The following DIP2B variants were observed in gnomAD, a reference collection of about 807,000 sequenced individuals.
DIP2B encodes disco-interacting protein 2 homolog B.
A neutral mutation model predicts 198.0 loss-of-function variants in DIP2B; 76 were observed. The ratio of observed to expected loss-of-function variants is 0.38; its 90% confidence interval spans 0.32 to 0.46. DIP2B has a LOEUF of 0.46. Ranked by LOEUF, DIP2B falls within the 20% of genes least tolerant of loss-of-function variation. The pLI is 0.99. For synonymous variants in DIP2B, 701 were observed against 739.1 expected, an observed-to-expected ratio of 0.95 and a Z score of 0.84; for missense variants, 1,559 against 1,978.4, an observed-to-expected ratio of 0.79 and a Z score of 4.02.
chr12:50,726,355 C>T (rs1004620531), intron 28 of DIP2B, among the ~76,000 whole-genome samples: 5 of 152,106 alleles, frequency 3.3e-5, no homozygotes, highest in African/African-American at 1.2e-4. Context: ...TTCTTGGCTA[C>T]CATTCTCTTT....
intron 1 of DIP2B, among the ~76,000 whole-genome samples, chr12:50,540,543 A>G (rs1958314238): frequency 6.7e-6 from 1 of 149,030 alleles, no homozygotes; most frequent in African/African-American, 2.4e-5. Flanking sequence ...TGATTAAAAA[A>G]ATTCTTTTTT....
At chr12:50,554,512 A>G (rs984959206) in intron 1 of DIP2B, among the ~76,000 whole-genome samples, 4 of 152,148 alleles carry the variant, frequency 2.6e-5, no homozygotes, top group African/African-American at 2.4e-5. Flanking sequence ...ATGATCGCTC[A>G]TATCAGGTAT....
intron 1 of DIP2B, among the ~76,000 whole-genome samples, chr12:50,553,154 G>A (rs889706887): frequency 3.3e-5 from 5 of 152,096 alleles, no homozygotes; most frequent in Non-Finnish European, 7.4e-5. Flanking sequence ...TTTTCTATAT[G>A]GTGTCAGATA....
rs558114655 is a variant in DIP2B at position 50,735,456 on chromosome 12, TTTTTTTGTTTTTTG to T, written c.4101+340_4101+353del. 3.8e-5 allele frequency among the ~76,000 whole-genome samples: 3 copies of T among 78,938 alleles called. No homozygotes were observed. In the East Asian group the frequency reaches 6.1e-4, roughly 16 times the overall value. The allele number at this position is 78,938 out of a possible 152,430, so 51.8% of individuals were successfully genotyped here. ...TGTTTTTTTTTCATGGTTTTTTTTGTTTTTTTGTTTTTTGTTTTTTGTTTTTTTTGAGATGGAGT... is the reference window on the plus strand; with the variant it reads ...TGTTTTTTTTTCATGGTTTTTTTTGTTTTTTTGTTTTTTTTGAGATGGAGT... On this transcript the variant is annotated intron_variant, in intron 34 of 37. Coordinates refer to ENST00000301180, the MANE Select transcript of DIP2B (RefSeq NM_173602.3).
chr12:50,580,819 T>C (rs1289134804), intron 1 of DIP2B, among the ~76,000 whole-genome samples: 4 of 148,954 alleles, frequency 2.7e-5, no homozygotes, highest in African/African-American at 9.8e-5. Context: ...ACAGCAATAC[T>C]TTCACACACT....
intron 25 of DIP2B, among the ~76,000 whole-genome samples, chr12:50,720,077 C>T (rs1452132589): frequency 1.3e-5 from 2 of 151,062 alleles, no homozygotes; most frequent in Non-Finnish European, 2.9e-5. Context: ...ATTACAGGTG[C>T]CCACCACCAG....
intron 1 of DIP2B, among the ~76,000 whole-genome samples, chr12:50,621,330 T>C (rs1937807166): frequency 6.6e-6 from 1 of 152,244 alleles, no homozygotes; most frequent in Non-Finnish European, 1.5e-5. Context: ...CAAGCATTGC[T>C]TTTTTGTTCA....
rs185168750 is a variant in DIP2B, at chr12:50,507,608, C to T, written c.100+2368C>T. ...ACACTGTTGCCCGATTTTAGCTTACCGCAACCTCCGCCTCCCAGGGTCAAG... is the reference window on the plus strand; with the variant it reads ...ACACTGTTGCCCGATTTTAGCTTACTGCAACCTCCGCCTCCCAGGGTCAAG... On this transcript the variant is annotated intron_variant, in intron 1 of 37. Transcript: ENST00000301180. Among the ~76,000 whole-genome samples the T allele has an allele frequency of 1.2e-3, 190 of 152,102 alleles. 1 individual carries two copies. The highest frequency in any genetic ancestry group is 3.3e-3 in the South Asian group (16 of 4,814).
chr12:50,576,577 C>G (rs1958663404), intron 1 of DIP2B, among the ~76,000 whole-genome samples: 1 of 151,732 alleles, frequency 6.6e-6, no homozygotes, highest in African/African-American at 2.4e-5. Flanking sequence ...CTCCCAGGTT[C>G]ATGCCATTCT....
intron 30 of DIP2B, among the ~76,000 whole-genome samples, chr12:50,729,838 T>G (rs1940006460): frequency 6.6e-6 from 1 of 151,478 alleles, no homozygotes; most frequent in South Asian, 2.1e-4. Flanking sequence ...CAAGCGATCC[T>G]CCCATCTCAG....
intron 2 of DIP2B, among the ~76,000 whole-genome samples, chr12:50,631,052 A>G (rs555392150): frequency 6.6e-6 from 1 of 152,158 alleles, no homozygotes; most frequent in Non-Finnish European, 1.5e-5. Context: ...TTATGTAGTT[A>G]ACAATAGTTA....
chr12:50,600,592 A>G (rs113540831), intron 1 of DIP2B, among the ~76,000 whole-genome samples: 19 of 152,178 alleles, frequency 1.2e-4, no homozygotes, highest in African/African-American at 4.6e-4. Flanking sequence ...TCACTTATCT[A>G]CTGAAAGAGG....
At chr12:50,730,856 G>GAAGCACTACCACTCCCCT (rs1940030444) in intron 30 of DIP2B, among the ~76,000 whole-genome samples, 1 of 152,184 alleles carries the variant, frequency 6.6e-6, no homozygotes, top group East Asian at 1.9e-4. Flanking sequence ...CCAGCTCAGT[G>GAAGCACTACCACTCCCCT]AAGCACTACC....
At chr12:50,632,592 A>G (rs1938080516) in intron 2 of DIP2B, among the ~76,000 whole-genome samples, 1 of 148,894 alleles carries the variant, frequency 6.7e-6, no homozygotes, top group South Asian at 2.2e-4. Context: ...GCTGGAGTGC[A>G]GTGGCGTGAT....
intron 1 of DIP2B, among the ~76,000 whole-genome samples, chr12:50,522,049 G>A (rs1202116876): frequency 6.6e-6 from 1 of 151,490 alleles, no homozygotes; most frequent in Non-Finnish European, 1.5e-5. Flanking sequence ...CACCCAGACT[G>A]GAGTGCAGTG....
At chr12:50,639,411 G>C (rs1938215518) in intron 2 of DIP2B, among the ~76,000 whole-genome samples, 1 of 151,994 alleles carries the variant, frequency 6.6e-6, no homozygotes, top group Admixed American at 6.6e-5. Flanking sequence ...GGCTCAGCCG[G>C]AACTATTGAC....
intron 3 of DIP2B, among the ~76,000 whole-genome samples, chr12:50,659,608 A>G (rs1028926530): frequency 1.3e-5 from 2 of 151,986 alleles, no homozygotes; most frequent in African/African-American, 4.8e-5. Context: ...TGAGATTCCT[A>G]TTAGACATTC....
chr12:50,591,654 T>A (rs1220574244), intron 1 of DIP2B, among the ~76,000 whole-genome samples: 1 of 151,646 alleles, frequency 6.6e-6, no homozygotes, highest in Non-Finnish European at 1.5e-5. Context: ...GAAACATGGT[T>A]TTGCCATGTT....
intron 4 of DIP2B, among the ~76,000 whole-genome samples, chr12:50,665,869 G>A (rs751016583): frequency 1.3e-5 from 2 of 152,022 alleles, no homozygotes; most frequent in African/African-American, 2.4e-5. Flanking sequence ...TTAAATAACT[G>A]TTGTCTTCTG....
Sources: allele counts gnomAD v4.1 joint callset (sites outside exome capture counted in the v4.1 genomes callset), GRCh38; gene constraint gnomAD v4.1.1; transcripts MANE v1.5; gene names NCBI Gene and HGNC (gene_info 2026-07-23, HGNC 2026-07-21).